The following CSMD1 variants were observed in gnomAD, a reference collection of about 807,000 sequenced individuals.
CSMD1 encodes the protein CUB and Sushi multiple domains 1, also known as CUB and sushi domain-containing protein 1.
Under a neutral mutation model 417.5 loss-of-function variants are expected in CSMD1, and 213 were observed. The ratio of observed to expected loss-of-function variants is 0.51; its 90% confidence interval spans 0.46 to 0.57. The LOEUF (loss-of-function observed/expected upper bound fraction) is 0.57. Ranked by LOEUF, CSMD1 falls within the 20% of genes least tolerant of loss-of-function variation. CSMD1 has a pLI of 0.00. For synonymous variants in CSMD1, 2,862 were observed against 1,736.8 expected (o/e 1.65, Z -16.11); for missense variants, 6,923 against 4,529.7 (o/e 1.53, Z -15.17).
intron 3 of CSMD1, among the ~76,000 whole-genome samples, chr8:4,107,386 C>G (rs1801622760): frequency 6.6e-6 from 1 of 152,164 alleles, no homozygotes; most frequent in South Asian, 2.1e-4. Flanking sequence ...CCTCTCTATA[C>G]AAAAATCACT....
chr8:3,384,673 T>G (rs905260832), intron 18 of CSMD1, among the ~76,000 whole-genome samples: 1 of 132,274 alleles, frequency 7.6e-6, no homozygotes, highest in Non-Finnish European at 1.6e-5. Flanking sequence ...TAGATGCTAT[T>G]TATATATAAA....
chr8:3,607,902 G>C (rs893581226), intron 8 of CSMD1, among the ~76,000 whole-genome samples: 2 of 152,178 alleles, frequency 1.3e-5, no homozygotes, highest in African/African-American at 2.4e-5. Context: ...AGGCACAGTG[G>C]TTCATGCCTG....
At chr8:4,120,283 C>T (rs1480370808) in intron 3 of CSMD1, among the ~76,000 whole-genome samples, 1 of 149,870 alleles carries the variant, frequency 6.7e-6, no homozygotes, top group African/African-American at 2.4e-5. Context: ...GGGTTTTCAC[C>T]TTTTATTATA....
chr8:4,446,755 CTGTGTGTGTGTGTGTGTGTGT>C (rs1798826087), intron 2 of CSMD1, among the ~76,000 whole-genome samples: 1 of 132,950 alleles, frequency 7.5e-6, no homozygotes, highest in East Asian at 2.1e-4. Flanking sequence ...GTGTGTGTGT[CTGTGTGTGTGTGTGTGTGTGT>C]GTGTGTGTGT....
chr8:4,553,277 C>CAT (rs1297722112), intron 2 of CSMD1, among the ~76,000 whole-genome samples: 1 of 152,176 alleles, frequency 6.6e-6, no homozygotes, highest in East Asian at 1.9e-4. Flanking sequence ...TTCCACTTCA[C>CAT]TCCAAAGACT....
intron 5 of CSMD1, among the ~76,000 whole-genome samples, chr8:3,797,790 G>C (rs1272855178): frequency 6.6e-6 from 1 of 151,890 alleles, no homozygotes; most frequent in Admixed American, 6.6e-5. Context: ...AAAATTCCTA[G>C]GTTATTAGGT....
intron 5 of CSMD1, among the ~76,000 whole-genome samples, chr8:3,849,267 G>A (rs1056175981): frequency 6.6e-6 from 1 of 152,154 alleles, no homozygotes; most frequent in Non-Finnish European, 1.5e-5. Context: ...GAACACGGGT[G>A]CATGTGAATG....
chr8:3,793,379 G>T (rs1053408476), intron 5 of CSMD1, among the ~76,000 whole-genome samples: 1 of 152,070 alleles, frequency 6.6e-6, no homozygotes, highest in Non-Finnish European at 1.5e-5. Context: ...TTTCTGTTCA[G>T]AAACCAACCC....
intron 5 of CSMD1, among the ~76,000 whole-genome samples, chr8:3,898,839 T>G (rs1361907456): frequency 1.3e-5 from 2 of 152,192 alleles, no homozygotes; most frequent in African/African-American, 4.8e-5. Flanking sequence ...ATTTATTGAT[T>G]TCTCAGGACA....
At chr8:4,186,107 C>T (rs990056400) in intron 3 of CSMD1, among the ~76,000 whole-genome samples, 2 of 152,064 alleles carry the variant, frequency 1.3e-5, no homozygotes, top group Non-Finnish European at 2.9e-5. Flanking sequence ...TTTGATTGGG[C>T]CATGCCAGGC....
At chr8:3,653,265 G>C (rs1184906745) in intron 7 of CSMD1, among the ~76,000 whole-genome samples, 1 of 151,990 alleles carries the variant, frequency 6.6e-6, no homozygotes, top group Non-Finnish European at 1.5e-5. Context: ...AGATAAGTTA[G>C]GGATGGCTGG....
At chr8:3,512,811 G>C (rs907520954) in intron 10 of CSMD1, among the ~76,000 whole-genome samples, 38 of 151,834 alleles carry the variant, frequency 2.5e-4, no homozygotes, top group African/African-American at 8.5e-4. Flanking sequence ...TCACCATGTT[G>C]GCTAGGATGG....
At chr8:4,461,197 T>C (rs1012517616) in intron 2 of CSMD1, among the ~76,000 whole-genome samples, 7 of 151,976 alleles carry the variant, frequency 4.6e-5, no homozygotes, top group African/African-American at 7.3e-5. Flanking sequence ...CATTCTTTGA[T>C]GATAAAAACA....
intron 2 of CSMD1, among the ~76,000 whole-genome samples, chr8:4,453,920 C>A (rs969927741): frequency 2.1e-5 from 3 of 141,492 alleles, no homozygotes; most frequent in Non-Finnish European, 3.0e-5. Context: ...CTCCCAGGTT[C>A]ACAGCATTCT....
At chr8:3,330,450 A>G (rs1000580266) in intron 23 of CSMD1, among the ~76,000 whole-genome samples, 6 of 152,238 alleles carry the variant, frequency 3.9e-5, no homozygotes, top group African/African-American at 1.2e-4. Flanking sequence ...TTGTGAGAAC[A>G]TGGATGGAGC....
chr8:4,463,014 T>C lies in CSMD1; in HGVS notation c.303-42949A>G, dbSNP rs140625123. Reference sequence around the variant, plus strand: ...AAACATTAGAACAGAAAAAGATCTATAGAATAGGGAAAGTTTGCAAATTAT... The same window carrying C: ...AAACATTAGAACAGAAAAAGATCTACAGAATAGGGAAAGTTTGCAAATTAT... On this transcript the variant is annotated intron_variant, in intron 2 of 69. Coordinates refer to ENST00000635120, the MANE Select transcript of CSMD1 (RefSeq NM_033225.6). Among the ~76,000 whole-genome samples, 5 of 152,290 alleles carry C rather than the reference T, an allele frequency of 3.3e-5. No homozygotes were observed. The East Asian group carries it at 9.6e-4, about 29-fold the overall frequency.
chr8:4,007,910 A>G (rs1563312223), intron 4 of CSMD1, among the ~76,000 whole-genome samples: 1 of 152,178 alleles, frequency 6.6e-6, no homozygotes, highest in African/African-American at 2.4e-5. Flanking sequence ...GTTAAAAAAA[A>G]GTAGTCTATA....
chr8:4,173,371 G>T (rs538967174), intron 3 of CSMD1, among the ~76,000 whole-genome samples: 1 of 152,102 alleles, frequency 6.6e-6, no homozygotes, highest in East Asian at 1.9e-4. Context: ...CTGAACAGAA[G>T]ATGAGACAGA....
intron 21 of CSMD1, among the ~76,000 whole-genome samples, chr8:3,356,592 T>G (rs945711068): frequency 6.6e-6 from 1 of 152,190 alleles, no homozygotes; most frequent in Non-Finnish European, 1.5e-5. Flanking sequence ...GGAGAATTGC[T>G]TGAACCTGGG....
Sources: gnomAD v4.1 joint callset for allele counts (sites outside exome capture counted in the v4.1 genomes callset) on GRCh38, gnomAD v4.1.1 for gene constraint, MANE v1.5 for transcripts, NCBI Gene and HGNC (gene_info 2026-07-23, HGNC 2026-07-21) for gene names.